Variants in STK3 observed in about 807,000 individuals in gnomAD.
STK3 encodes serine/threonine-protein kinase 3.
In STK3, 41 loss-of-function variants were observed where a neutral mutation model predicts 58.0. That is an observed-to-expected ratio of 0.71 (90% confidence interval 0.55 to 0.92). The LOEUF (loss-of-function observed/expected upper bound fraction) is 0.92. Ranked by LOEUF, STK3 falls within the 40% of genes least tolerant of loss-of-function variation. The pLI is 0.00. For missense variants in STK3, 479 were observed against 602.7 expected, an observed-to-expected ratio of 0.79 and a Z score of 2.15; for synonymous variants, 170 against 191.0, an observed-to-expected ratio of 0.89 and a Z score of 0.91.
intron 10 of STK3, among the ~76,000 whole-genome samples, chr8:98,468,265 C>T (rs1392900618): frequency 6.6e-6 from 1 of 152,106 alleles, no homozygotes; most frequent in Non-Finnish European, 1.5e-5. Flanking sequence ...GCCACATGGG[C>T]CTTAGAAGAT....
chr8:98,462,509 C>G (rs1333191718), intron 10 of STK3, among the ~76,000 whole-genome samples: 1 of 152,116 alleles, frequency 6.6e-6, no homozygotes, highest in East Asian at 1.9e-4. Context: ...ATCTCCGAAC[C>G]TACTATGCTG....
rs540502329 is a variant in STK3 at position 98,892,278 on chromosome 8, A to C, written c.-78-8444T>G. Among the ~76,000 whole-genome samples, 10 of 152,272 alleles carry C rather than the reference A, an allele frequency of 6.6e-5. 1 individual carries two copies. The highest frequency in any genetic ancestry group is 2.4e-4 in the African/African-American group (10 of 41,556). ...CATTCCCTCTGACAGTACATAGTTC[A>C]GGTCACCATCGACTCCTGCCAGGAT... On this transcript the variant is annotated intron_variant, in intron 1 of 1. Coordinates refer to the STK3 transcript ENST00000519420.
chr8:98,858,290 GTATATA>G (rs71572027), intron 3 of STK3, among the ~76,000 whole-genome samples: 507 of 34,320 alleles, frequency 0.015, 11 homozygotes, highest in Middle Eastern at 0.077. Context: ...ACATACATAC[GTATATA>G]TATATATATA....
intron 8 of STK3, among the ~76,000 whole-genome samples, chr8:98,578,856 A>G (rs1430465239): frequency 6.6e-6 from 1 of 152,224 alleles, no homozygotes; most frequent in Admixed American, 6.5e-5. Context: ...GTATAGAAGC[A>G]CTAGACACTA....
chr8:98,786,235 A>C (rs992125565), intron 1 of STK3, among the ~76,000 whole-genome samples: 6 of 152,200 alleles, frequency 3.9e-5, no homozygotes, highest in African/African-American at 1.4e-4. Context: ...CTTTATCAAT[A>C]GACTGGACCA....
intron 1 of STK3, among the ~76,000 whole-genome samples, chr8:98,798,267 A>G (rs1366080232): frequency 6.6e-6 from 1 of 152,220 alleles, no homozygotes; most frequent in African/African-American, 2.4e-5. Flanking sequence ...GAATCCAGTA[A>G]ACACGAGAAT....
chr8:98,393,438 C>T (rs528109273), intron 3 of STK3, among the ~76,000 whole-genome samples: 182 of 152,250 alleles, frequency 1.2e-3, no homozygotes, highest in African/African-American at 3.8e-3. Flanking sequence ...TTTATAGCTC[C>T]TCCCATCAAG....
chr8:98,800,361 G>A lies in STK3; in HGVS notation c.26+25154C>T, dbSNP rs547622913. ...CTATCCAGCAGGAAGTAGTTAGAGCGGTCATCGGCCAAATTCCCAACAGCA... is the reference window on the plus strand; with the variant it reads ...CTATCCAGCAGGAAGTAGTTAGAGCAGTCATCGGCCAAATTCCCAACAGCA... On this transcript the variant is annotated intron_variant, in intron 1 of 10. Coordinates refer to ENST00000419617, the MANE Select transcript of STK3 (RefSeq NM_006281.4). This position sits in a 1 kb window ranked among gnomAD's most constrained non-coding sequence, Gnocchi z 4.8. 2.4e-4 allele frequency among the ~76,000 whole-genome samples: 37 copies of A among 152,216 alleles called. No individual in the cohort carries two copies. The highest frequency in any genetic ancestry group is 1.6e-3 in the Admixed American group (25 of 15,288).
At chr8:98,690,039 A>T (rs1477199776) in intron 6 of STK3, among the ~76,000 whole-genome samples, 1 of 152,260 alleles carries the variant, frequency 6.6e-6, no homozygotes, top group East Asian at 1.9e-4. Flanking sequence ...TCAAAGGAAC[A>T]TACCTTAACA....
chr8:98,768,986 C>G (rs1032205611), intron 2 of STK3, among the ~76,000 whole-genome samples: 3 of 152,202 alleles, frequency 2.0e-5, no homozygotes, highest in Non-Finnish European at 4.4e-5. Flanking sequence ...CACTTCAGTG[C>G]TTCAGGCTGA....
intron 6 of STK3, among the ~76,000 whole-genome samples, chr8:98,636,851 G>A (rs772007902): frequency 2.5e-4 from 38 of 152,048 alleles, no homozygotes; most frequent in Non-Finnish European, 4.1e-4. Flanking sequence ...TTACGCATCT[G>A]ACACAGAATG....
chr8:98,780,619 G>C (rs1015272447), intron 1 of STK3, among the ~76,000 whole-genome samples: 17 of 151,670 alleles, frequency 1.1e-4, no homozygotes, highest in African/African-American at 4.8e-5. Context: ...TTTTGCAAAT[G>C]AGTGGATGGT....
rs569222135 is a variant in STK3, at chr8:98,920,907, G to A, written c.-79+21471C>T. On this transcript the variant is annotated intron_variant, in intron 1 of 1. Transcript: ENST00000519420. Reference sequence around the variant, plus strand: ...AACTGCCTCTTACAGGCATACCTGTGAAACTACAAAAAAGCCTAATTGTAA... The same window carrying A: ...AACTGCCTCTTACAGGCATACCTGTAAAACTACAAAAAAGCCTAATTGTAA... 7.1e-4 allele frequency among the ~76,000 whole-genome samples: 108 copies of A among 152,254 alleles called. 1 individual carries two copies. The highest frequency in any genetic ancestry group is 1.1e-3 in the Non-Finnish European group (76 of 68,036).
At chr8:98,357,680 G>A in the STK3 span, among the ~76,000 whole-genome samples, 3 of 152,204 alleles carry the variant, frequency 2.0e-5, no homozygotes, top group African/African-American at 4.8e-5. Flanking sequence ...TTCTAATGGA[G>A]GGCGTGTTTC....
rs982952936 is a variant in STK3 at position 98,481,015 on chromosome 8, T to G, written c.1318-25015A>C. Among the ~76,000 whole-genome samples the G allele has an allele frequency of 2.0e-5, 3 of 152,322 alleles. No individual in the cohort carries two copies. In the East Asian group the frequency reaches 5.8e-4, roughly 29 times the overall value. On this transcript the variant is annotated intron_variant, in intron 10 of 10. Transcript: ENST00000419617. Reference sequence around the variant, plus strand: ...AAGAGAAAAATTAGCCAGAAGAGCTTTATTCAAAATACCTTCCCCTCTCTT... The same window carrying G: ...AAGAGAAAAATTAGCCAGAAGAGCTGTATTCAAAATACCTTCCCCTCTCTT...
At chr8:98,773,331 T>C (rs1367360073) in intron 2 of STK3, among the ~76,000 whole-genome samples, 1 of 152,242 alleles carries the variant, frequency 6.6e-6, no homozygotes, top group Non-Finnish European at 1.5e-5. Flanking sequence ...TTATAAATTG[T>C]CCTTGATATT....
chr8:98,455,486 G>A lies in STK3; in HGVS notation c.*356C>T, dbSNP rs529030943. ...ATAAATAGCCTAGTATACTAGATAG[G>A]AATAAAGAATATTGTAACATAAAGC... On this transcript the variant is annotated 3_prime_UTR_variant, in exon 11 of 11. Coordinates refer to ENST00000419617, the MANE Select transcript of STK3 (RefSeq NM_006281.4). 1 of 196,640 alleles carries A rather than the reference G, an allele frequency of 5.1e-6. No individual in the cohort carries two copies. The highest frequency in any genetic ancestry group is 5.6e-5 in the Admixed American group (1 of 17,752). 12.2% of individuals were successfully genotyped at this position (196,640 alleles called of 1,614,324 possible). A position where few individuals can be genotyped will look rare whatever the true frequency, so the allele number is the denominator to read the frequency against.
At chr8:98,893,482 GAAAGAGAA>G (rs1416577276) in intron 1 of STK3, among the ~76,000 whole-genome samples, 1,971 of 55,134 alleles carry the variant, frequency 0.036, 27 homozygotes, top group Admixed American at 0.047. Context: ...AAGAAAGAAA[GAAAGAGAA>G]AGAAAGAAAG....
At chr8:98,701,646 ATC>A (rs1348031351) in intron 6 of STK3, among the ~76,000 whole-genome samples, 13 of 150,948 alleles carry the variant, frequency 8.6e-5, no homozygotes, top group African/African-American at 3.2e-4. Flanking sequence ...ATATATATAT[ATC>A]TATACACACA....
Sources: allele counts gnomAD v4.1 joint callset (sites outside exome capture counted in the v4.1 genomes callset), GRCh38; gene constraint gnomAD v4.1.1; non-coding constraint Gnocchi (gnomAD v3.1); transcripts MANE v1.5; gene names NCBI Gene and HGNC (gene_info 2026-07-23, HGNC 2026-07-21).